SPI1: variants seen among roughly 807,000 people sequenced by gnomAD.
SPI1 encodes the protein Spi-1 proto-oncogene.
A neutral mutation model predicts 30.7 loss-of-function variants in SPI1; 3 were observed. The observed-to-expected ratio is 0.10, with a 90% CI of 0.04 to 0.25. The LOEUF is 0.25. Among genes scored for constraint, SPI1 ranks in the 10% least tolerant of loss-of-function variants. The pLI, the probability that SPI1 is intolerant of heterozygous loss-of-function variation, is 1.00. For missense variants in SPI1, 261 were observed against 371.5 expected (o/e 0.70, Z 2.45); for synonymous variants, 169 against 157.1 (o/e 1.08, Z -0.56).
chr11:47,361,788 T>A (rs2095921168), intron 2 of SPI1, among the ~76,000 whole-genome samples: 1 of 152,194 alleles, frequency 6.6e-6, no homozygotes, highest in Non-Finnish European at 1.5e-5. Context: ...ATCATGATTT[T>A]TGGTTCTGGA....
At chr11:47,367,118 A>T (rs1299801739) in intron 2 of SPI1, among the ~76,000 whole-genome samples, 1 of 152,176 alleles carries the variant, frequency 6.6e-6, no homozygotes, top group Non-Finnish European at 1.5e-5. Context: ...TAAGTGGATG[A>T]TTAGATGGGT....
intron 2 of SPI1, among the ~76,000 whole-genome samples, chr11:47,362,028 C>G (rs975238135): frequency 6.6e-6 from 1 of 152,192 alleles, no homozygotes; most frequent in African/African-American, 2.4e-5. Context: ...AAAGGCAGAG[C>G]TGGGCTCAAG....
rs2095940117 is a variant in SPI1 at position 47,374,743 on chromosome 11, C to T, written c.142+890G>A. 6.6e-6 allele frequency among the ~76,000 whole-genome samples: 1 copy of T among 152,236 alleles called. No homozygotes were observed. The highest frequency in any genetic ancestry group is 2.1e-4 in the South Asian group (1 of 4,832). On this transcript the variant is annotated intron_variant, in intron 2 of 4. Coordinates refer to ENST00000378538, the MANE Select transcript of SPI1 (RefSeq NM_003120.3). This position sits in a 1 kb window ranked among gnomAD's most constrained non-coding sequence, Gnocchi z 4.5. Reference sequence around the variant, plus strand: ...TAAGCCAAGATCCACTTTGGGCAACCTCCCGCAGCCCCCTGCTCAGGTCCC... The same window carrying T: ...TAAGCCAAGATCCACTTTGGGCAACTTCCCGCAGCCCCCTGCTCAGGTCCC...
chr11:47,373,613 G>GCT, intron 2 of SPI1, among the ~76,000 whole-genome samples: 1 of 151,402 alleles, frequency 6.6e-6, no homozygotes, highest in Middle Eastern at 3.4e-3. Flanking sequence ...GGGCCACTGC[G>GCT]CTCTAGCCTG....
intron 4 of SPI1, among the ~76,000 whole-genome samples, chr11:47,357,072 C>G (rs1031810918): frequency 7.9e-5 from 12 of 151,416 alleles, no homozygotes; most frequent in African/African-American, 2.9e-4. Flanking sequence ...CACACACATG[C>G]TAACACTTCA....
chr11:47,358,948 C>A lies in SPI1; in HGVS notation c.389G>T (p.Ser130Ile). The part of the protein sequence containing the change: ...QYPSLSPAQP[S>I]SDEEEGERQS... Reference sequence around the variant, plus strand: ...CCGCTCGCCCTCCTCCTCATCTGAGCTGGGCTGGGCTGGGGACAGGGATGG... The same window carrying A: ...CCGCTCGCCCTCCTCCTCATCTGAGATGGGCTGGGCTGGGGACAGGGATGG... Residue 130 changes from serine to isoleucine, a missense_variant, in exon 4 of 5, where the codon AGC (serine) becomes ATC (isoleucine). Around this residue, in one of 5 missense-constraint regions of SPI1, gnomAD observed 106 missense variants for 102.0 expected, o/e 1.04. Coordinates refer to ENST00000378538, the MANE Select transcript of SPI1 (RefSeq NM_003120.3). 1 of 1,559,130 alleles carries A rather than the reference C, an allele frequency of 6.4e-7. No individual in the cohort carries two copies.
intron 4 of SPI1, among the ~76,000 whole-genome samples, chr11:47,355,752 A>G (rs1214705311): frequency 7.0e-6 from 1 of 142,936 alleles, no homozygotes; most frequent in Non-Finnish European, 1.5e-5. Flanking sequence ...GTTCACACAC[A>G]CCCACTCACA....
intron 4 of SPI1, among the ~76,000 whole-genome samples, chr11:47,356,086 C>G (rs1457863986): frequency 1.3e-5 from 2 of 151,384 alleles, no homozygotes; most frequent in African/African-American, 2.4e-5. Context: ...CACACACATG[C>G]TTGTGCAATG....
At chr11:47,356,822 ATC>A (rs2095910676) in intron 4 of SPI1, among the ~76,000 whole-genome samples, 2 of 146,098 alleles carry the variant, frequency 1.4e-5, no homozygotes, top group African/African-American at 2.5e-5. Flanking sequence ...GCTTACACAC[ATC>A]TCACGTTACT....
intron 4 of SPI1, among the ~76,000 whole-genome samples, chr11:47,356,424 CCACT>C (rs959277209): frequency 6.6e-6 from 1 of 150,498 alleles, no homozygotes; most frequent in Non-Finnish European, 1.5e-5. Flanking sequence ...CCCAATGCAC[CCACT>C]CACACACATG....
intron 1 of SPI1, 148 bp downstream of exon 1, chr11:47,378,161 G>T: frequency 2.3e-6 from 2 of 855,820 alleles, no homozygotes; most frequent in Non-Finnish European, 3.7e-6. Context: ...CCCTCGCTGG[G>T]TCTCAGGCCA....
chr11:47,355,587 A>G, intron 4 of SPI1, 41 bp from the exon 5 acceptor site: 1 of 1,506,316 alleles, frequency 6.6e-7, no homozygotes, highest in African/African-American at 1.4e-5. Flanking sequence ...CCCGGGGCCC[A>G]CATGGGAGCC....
chr11:47,375,808 T>TC lies in SPI1; in HGVS notation c.46-80dup. The TC allele has an allele frequency of 9.0e-7, 1 of 1,108,886 alleles. No individual in the cohort carries two copies. The highest frequency in any genetic ancestry group is 1.4e-6 in the Non-Finnish European group (1 of 721,850). The allele number at this position is 1,108,886 out of a possible 1,614,324, so 68.7% of individuals were successfully genotyped here. A position where few individuals can be genotyped will look rare whatever the true frequency, so the allele number is the denominator to read the frequency against. On this transcript the variant is annotated intron_variant, in intron 1 of 4. Transcript: ENST00000378538. The surrounding 1 kb of genome is among the most constrained non-coding windows in gnomAD (Gnocchi z 4.2). ...GCCTGCAGCACCCCCGCACGCTGGG[T>TC]CCCCATCACCTTCCCTGGCTCAGTG...
Position 47,374,707 on chromosome 11 carries a change from G to GTC in SPI1, c.142+924_142+925dup, listed in dbSNP as rs2095940063. ...GGCCACCTCGCTTTGGGTCAGGGAT[G>GTC]TCTACATCAATAAGCCAAGATCCAC... On this transcript the variant is annotated intron_variant, in intron 2 of 4. Coordinates refer to ENST00000378538, the MANE Select transcript of SPI1 (RefSeq NM_003120.3). The surrounding 1 kb of genome is among the most constrained non-coding windows in gnomAD (Gnocchi z 4.5). Among the ~76,000 whole-genome samples, 2 of 152,344 alleles carry GTC rather than the reference G, an allele frequency of 1.3e-5. No individual in the cohort carries two copies. The highest frequency in any genetic ancestry group is 3.9e-4 in the East Asian group (2 of 5,194).
rs947879776 is a variant in SPI1 at position 47,374,181 on chromosome 11, G to A, written c.142+1452C>T. Among the ~76,000 whole-genome samples the A allele has an allele frequency of 6.6e-6, 1 of 152,204 alleles. No individual in the cohort carries two copies. Among genetic ancestry groups the A allele is most frequent in the Non-Finnish European group, 1.5e-5 (1 of 68,038 alleles). ...GCGTGGTCTCTGGGTCCCCCAGACC[G>A]GGCTCTTCACTCTGGTAGGGAGAGC... On this transcript the variant is annotated intron_variant, in intron 2 of 4. Transcript: ENST00000378538. This position sits in a 1 kb window ranked among gnomAD's most constrained non-coding sequence, Gnocchi z 4.5.
Position 47,359,879 on chromosome 11 carries a change from G to T in SPI1, c.304C>A (p.Pro102Thr). Reference protein sequence around the residue: ...QMHVLDTPMVPPHPSLGHQVS... With the variant: ...QMHVLDTPMVTPHPSLGHQVS... ...TGGTGGCCAAGACTGGGATGGGGTG[G>T]CACCATGGGGGTATCGAGGACGTGC... The change falls in exon 3 of 5, where the codon CCA (proline) becomes ACA (threonine). Residue 102 changes from proline (P) to threonine (T), a missense_variant. This residue lies in a region of SPI1 where 106 missense variants were observed against 102.0 expected (regional missense o/e 1.04). Coordinates refer to ENST00000378538, the MANE Select transcript of SPI1 (RefSeq NM_003120.3). This position sits in a 1 kb window ranked among gnomAD's most constrained non-coding sequence, Gnocchi z 5.1. 1 of 1,607,546 alleles carries T rather than the reference G, an allele frequency of 6.2e-7. No individual in the cohort carries two copies.
rs2095916793 is a variant in SPI1 at position 47,359,072 on chromosome 11, G to C, written c.331-66C>G. On this transcript the variant is annotated intron_variant, in intron 3 of 4. Coordinates refer to ENST00000378538, the MANE Select transcript of SPI1 (RefSeq NM_003120.3). This position sits in a 1 kb window ranked among gnomAD's most constrained non-coding sequence, Gnocchi z 5.1. Reference sequence around the variant, plus strand: ...GCTTACAGCTCAGGGGGGCTGGGAGGGAGGTCAGCTGGGGAGAGAAGGAGT... The same window carrying C: ...GCTTACAGCTCAGGGGGGCTGGGAGCGAGGTCAGCTGGGGAGAGAAGGAGT... 6.9e-7 allele frequency: 1 copy of C among 1,443,836 alleles called. No homozygotes were observed. 89.4% of individuals were successfully genotyped at this position (1,443,836 alleles called of 1,614,324 possible). A position where few individuals can be genotyped will look rare whatever the true frequency, so the allele number is the denominator to read the frequency against.
chr11:47,373,645 T>TAA (rs543466708), intron 2 of SPI1, among the ~76,000 whole-genome samples: 5 of 121,594 alleles, frequency 4.1e-5, no homozygotes, highest in African/African-American at 3.1e-5. Flanking sequence ...AAGACTGTCC[T>TAA]AAAAAAAAAA....
At chr11:47,372,671 C>G (rs1350486698) in intron 2 of SPI1, among the ~76,000 whole-genome samples, 1 of 152,104 alleles carries the variant, frequency 6.6e-6, no homozygotes, top group Non-Finnish European at 1.5e-5. Flanking sequence ...GTTGGTCTCT[C>G]ACAGAGCCCT....
Sources: allele counts gnomAD v4.1 joint callset (sites outside exome capture counted in the v4.1 genomes callset), GRCh38; gene constraint gnomAD v4.1.1; regional missense constraint gnomAD v4.1.1; non-coding constraint Gnocchi (gnomAD v3.1); transcripts MANE v1.5; gene names NCBI Gene and HGNC (gene_info 2026-07-23, HGNC 2026-07-21).